Variants in RSL1D1 observed in about 807,000 individuals in gnomAD.
The protein encoded by RSL1D1 is ribosomal L1 domain-containing protein 1.
Under a neutral mutation model 44.6 loss-of-function variants are expected in RSL1D1, and 34 were observed. The ratio of observed to expected loss-of-function variants is 0.76; its 90% CI spans 0.58 to 1.02. RSL1D1 has a LOEUF of 1.02. Among genes scored for constraint, RSL1D1 ranks in the 50% least tolerant of loss-of-function variants. RSL1D1 has a pLI of 0.00. For synonymous variants in RSL1D1, 271 were observed against 207.4 expected, an observed-to-expected ratio of 1.31 and a Z score of -2.63; for missense variants, 767 against 568.1, an observed-to-expected ratio of 1.35 and a Z score of -3.56.
intron 8 of RSL1D1, among the ~76,000 whole-genome samples, chr16:11,838,831 T>G (rs1040698134): frequency 7.6e-6 from 1 of 132,414 alleles, no homozygotes; most frequent in Non-Finnish European, 1.5e-5. Context: ...CACTCCATCC[T>G]GGGCAACAAA....
intron 2 of RSL1D1, among the ~76,000 whole-genome samples, 162 bp downstream of exon 2, chr16:11,850,117 A>G (rs921876498): frequency 6.6e-6 from 1 of 152,168 alleles, no homozygotes; most frequent in African/African-American, 2.4e-5. Context: ...GTGAGCCACC[A>G]CATCAAGCCT....
At chr16:11,847,596 AT>A in intron 3 of RSL1D1, 71 bp downstream of exon 3, 2 of 1,223,954 alleles carry the variant, frequency 1.6e-6, no homozygotes, top group Non-Finnish European at 2.3e-6. Context: ...AAATATAGCA[AT>A]GTATTTGTGA....
At chr16:11,845,466 T>C (rs141293429) in intron 5 of RSL1D1, among the ~76,000 whole-genome samples, 3 of 152,324 alleles carry the variant, frequency 2.0e-5, no homozygotes, top group Non-Finnish European at 4.4e-5. Flanking sequence ...ACTAGTCATG[T>C]TCTCCAAGCA....
chr16:11,851,257 A>G (rs1488561239), intron 1 of RSL1D1, 151 bp downstream of exon 1: 1 of 741,040 alleles, frequency 1.3e-6, no homozygotes, highest in African/African-American at 1.7e-5. Flanking sequence ...ACGTGTGTAA[A>G]GGGGAGAGAC....
At chr16:11,849,955 G>C (rs1292049390) in intron 2 of RSL1D1, among the ~76,000 whole-genome samples, 1 of 152,146 alleles carries the variant, frequency 6.6e-6, no homozygotes, top group African/African-American at 2.4e-5. Flanking sequence ...AGCCTCCCGA[G>C]TAGCTGAGAT....
chr16:11,849,846 T>C (rs1267659922), intron 2 of RSL1D1, among the ~76,000 whole-genome samples: 1 of 151,822 alleles, frequency 6.6e-6, no homozygotes, highest in African/African-American at 2.4e-5. Flanking sequence ...GGTTCTTTTA[T>C]TTTTTATTAT....
In RSL1D1 at chr16:11,837,757, T is replaced by G; in HGVS notation, c.*30A>C. On this transcript the variant is annotated 3_prime_UTR_variant, in exon 9 of 9. Coordinates refer to ENST00000571133, the MANE Select transcript of RSL1D1 (RefSeq NM_015659.3). ...TTCCAAAAAGCTCTGGAGGCAGCAT[T>G]GAGGTTTCCTTCCAGTTGAATCACT... 54 of 1,559,244 alleles carry G rather than the reference T, an allele frequency of 3.5e-5. No homozygotes were observed. Among genetic ancestry groups the G allele is most frequent in the Non-Finnish European group, 4.4e-5 (50 of 1,147,064 alleles).
In RSL1D1 at chr16:11,837,742, C is replaced by T. The variant is rs775463069; in HGVS notation, c.*45G>A. 6.7e-7 allele frequency: 1 copy of T among 1,503,504 alleles called. No individual in the cohort carries two copies. The highest frequency in any genetic ancestry group is 2.3e-5 in the East Asian group (1 of 44,170). 93.1% of individuals were successfully genotyped at this position (1,503,504 alleles called of 1,614,324 possible). A position where few individuals can be genotyped will look rare whatever the true frequency, so the allele number is the denominator to read the frequency against. ...CCAGGATCTGAGTATTTCCAAAAAG[C>T]TCTGGAGGCAGCATTGAGGTTTCCT... On this transcript the variant is annotated 3_prime_UTR_variant, in exon 9 of 9. Coordinates refer to ENST00000571133, the MANE Select transcript of RSL1D1 (RefSeq NM_015659.3).
At chr16:11,843,648 C>T (rs1392016412) in intron 5 of RSL1D1, among the ~76,000 whole-genome samples, 3 of 151,942 alleles carry the variant, frequency 2.0e-5, no homozygotes, top group South Asian at 4.1e-4. Flanking sequence ...GTGGGCAGAT[C>T]ACGAGGTCAG....
At chr16:11,841,619 A>T in intron 7 of RSL1D1, 76 bp downstream of exon 7, 1 of 1,369,430 alleles carries the variant, frequency 7.3e-7, no homozygotes, top group Non-Finnish European at 1.0e-6. Context: ...GGCAGCGATG[A>T]TGGTCTACTT....
chr16:11,840,120 C>G (rs2053755126), intron 7 of RSL1D1, 135 bp from the exon 8 acceptor site: 1 of 1,377,544 alleles, frequency 7.3e-7, no homozygotes, highest in South Asian at 1.4e-5. Context: ...GAACAAACTC[C>G]CTAACCAGCA....
chr16:11,851,032 C>G (rs949065175), intron 1 of RSL1D1: 3 of 345,696 alleles, frequency 8.7e-6, no homozygotes, highest in Admixed American at 4.2e-5. Flanking sequence ...AAGCGCTTTA[C>G]ACTCATTACC....
Position 11,847,386 on chromosome 16 carries a change from T to A in RSL1D1, c.384+282A>T, listed in dbSNP as rs111516522. 1.3e-3 allele frequency among the ~76,000 whole-genome samples: 193 copies of A among 151,858 alleles called. 2 individuals carry two copies. The highest frequency in any genetic ancestry group is 4.4e-3 in the African/African-American group (182 of 41,390). Reference sequence around the variant, plus strand: ...CGAGACTCCAAACAAACAAAAAAACTTAGATACCTTAGATCCAGAGGGTAA... The same window carrying A: ...CGAGACTCCAAACAAACAAAAAAACATAGATACCTTAGATCCAGAGGGTAA... On this transcript the variant is annotated intron_variant, in intron 3 of 8. Transcript: ENST00000571133.
chr16:11,845,141 G>A (rs1273836081), intron 5 of RSL1D1, among the ~76,000 whole-genome samples: 6 of 152,174 alleles, frequency 3.9e-5, no homozygotes, highest in East Asian at 1.9e-4. Flanking sequence ...ACGTTAAGGG[G>A]TAATATGGTG....
In RSL1D1 at chr16:11,839,900, G is replaced by A. The variant is rs2053752526; in HGVS notation, c.941C>T (p.Ser314Leu). Residue 314 changes from serine (S) to leucine (L), a missense_variant, in exon 8 of 9, where the codon TCA becomes TTA. Ser to Leu is a moderately radical substitution (Grantham distance 145). Transcript: ENST00000571133. ...TGCCACATCATCTTTACTAAGAACT[G>A]ATGCAGTCTTCCTAGCCTGCTGCCT... Reference protein sequence around the residue: ...KKRQQARKTASVLSKDDVAPE... With the variant: ...KKRQQARKTALVLSKDDVAPE... The A allele has an allele frequency of 1.9e-6, 3 of 1,613,962 alleles. No homozygotes were observed. In the Admixed American group the frequency reaches 5.0e-5, roughly 27 times the overall value.
At chr16:11,841,653 C>T (rs748350383) in intron 7 of RSL1D1, 42 bp downstream of exon 7, 25 of 1,563,896 alleles carry the variant, frequency 1.6e-5, no homozygotes, top group Non-Finnish European at 2.0e-5. Flanking sequence ...TGAATTTACA[C>T]CCTTCATTAT....
chr16:11,839,455 G>C (rs960390666), intron 8 of RSL1D1, among the ~76,000 whole-genome samples: 7 of 150,120 alleles, frequency 4.7e-5, no homozygotes, highest in African/African-American at 9.8e-5. Context: ...CACTTTGGGA[G>C]GCCAAGGTGG....
At chr16:11,851,105 CA>C in intron 1 of RSL1D1, 1 of 447,768 alleles carries the variant, frequency 2.2e-6, no homozygotes, top group Non-Finnish European at 4.1e-6. Flanking sequence ...AACAGACCTG[CA>C]AAACTAAGCG....
At chr16:11,838,487 C>G (rs1215241050) in intron 8 of RSL1D1, among the ~76,000 whole-genome samples, 1 of 151,992 alleles carries the variant, frequency 6.6e-6, no homozygotes, top group Non-Finnish European at 1.5e-5. Context: ...CAGCGCATGG[C>G]CAAGTTACTG....
Sources: gnomAD v4.1 joint callset for allele counts (sites outside exome capture counted in the v4.1 genomes callset) on GRCh38, gnomAD v4.1.1 for gene constraint, MANE v1.5 for transcripts, NCBI Gene and HGNC (gene_info 2026-07-23, HGNC 2026-07-21) for gene names.